Variants in ELAC2 observed in about 807,000 individuals in gnomAD.
ELAC2 encodes elaC ribonuclease Z 2.
ELAC2 carries 92 observed loss-of-function variants against 105.2 expected under a neutral mutation model. The observed-to-expected ratio is 0.87, with a 90% CI of 0.74 to 1.04. ELAC2 has a LOEUF of 1.04. Among genes scored for constraint, ELAC2 ranks in the 50% least tolerant of loss-of-function variants. The pLI, the probability that ELAC2 is intolerant of heterozygous loss-of-function variation, is 0.00. For missense variants in ELAC2, 1,099 were observed against 1,071.7 expected, an observed-to-expected ratio of 1.03 and a Z score of -0.36; for synonymous variants, 468 against 409.1, an observed-to-expected ratio of 1.14 and a Z score of -1.74.
chr17:12,998,634 TC>T, intron 15 of ELAC2, 126 bp from the exon 16 acceptor site: 1 of 922,332 alleles, frequency 1.1e-6, no homozygotes, highest in Non-Finnish European at 1.7e-6. Flanking sequence ...GGAAACGTGC[TC>T]CCTAGTATGG....
intron 21 of ELAC2, 70 bp downstream of exon 21, chr17:12,994,694 A>T: frequency 6.2e-7 from 1 of 1,611,952 alleles, no homozygotes. Context: ...CTGCAAGCCC[A>T]CCTGCATTCA....
intron 8 of ELAC2, 175 bp from the exon 9 acceptor site, chr17:13,006,154 T>G (rs1442162202): frequency 1.5e-6 from 1 of 679,484 alleles, no homozygotes. Flanking sequence ...GCAGATCACC[T>G]GAGGTCAGGA....
At chr17:12,999,752 G>T (rs113796212) in intron 15 of ELAC2, among the ~76,000 whole-genome samples, 15 of 151,868 alleles carry the variant, frequency 9.9e-5, no homozygotes, top group African/African-American at 3.6e-4. Context: ...TCCGCCTCCC[G>T]GGTTCTCGCC....
At chr17:13,003,396 T>C (rs2040929561) in intron 12 of ELAC2, 83 bp downstream of exon 12, 2 of 1,309,664 alleles carry the variant, frequency 1.5e-6, no homozygotes, top group African/African-American at 2.9e-5. Flanking sequence ...TAGGTAGCGC[T>C]GGAAAGAGCA....
intron 15 of ELAC2, among the ~76,000 whole-genome samples, chr17:12,999,104 C>T (rs536625448): frequency 2.6e-5 from 4 of 152,324 alleles, no homozygotes; most frequent in South Asian, 2.1e-4. Flanking sequence ...CAAAGGACTT[C>T]GCACCAGTGT....
chr17:13,006,013 G>T (rs773329595), intron 8 of ELAC2, 34 bp from the exon 9 acceptor site: 1 of 1,596,268 alleles, frequency 6.3e-7, no homozygotes, highest in Non-Finnish European at 8.6e-7. Flanking sequence ...TGATCTTAGG[G>T]GCTAATGAAG....
At chr17:13,001,643 C>T (rs1490729927) in intron 14 of ELAC2, among the ~76,000 whole-genome samples, 1 of 152,148 alleles carries the variant, frequency 6.6e-6, no homozygotes, top group African/African-American at 2.4e-5. Context: ...ACAAGTCTCA[C>T]ACTCTGGGCC....
intron 14 of ELAC2, among the ~76,000 whole-genome samples, chr17:13,001,526 T>TA (rs1567753386): frequency 6.6e-6 from 1 of 151,384 alleles, no homozygotes; most frequent in African/African-American, 2.4e-5. Flanking sequence ...ATAAATAAAT[T>TA]AATTAATTAA....
At chr17:13,016,036 GGCTGA>G (rs2041702716) in intron 3 of ELAC2, among the ~76,000 whole-genome samples, 15 of 152,220 alleles carry the variant, frequency 9.9e-5, no homozygotes, top group Admixed American at 9.2e-4. Context: ...CTCTAGAATG[GGCTGA>G]GCTGTCACTA....
rs2040268124 is a variant in ELAC2, at chr17:12,993,040, G to A, written c.2259C>T (p.Cys753=). 6.2e-7 allele frequency: 1 copy of A among 1,603,526 alleles called. No individual in the cohort carries two copies. The highest frequency in any genetic ancestry group is 2.2e-5 in the East Asian group (1 of 44,888). Residue 753 remains cysteine (C), a synonymous_variant, in exon 24 of 24, where the codon TGC becomes TGT. Transcript: ENST00000338034. ...TGGGCATTGTTGGAAAGTCTCCAAA[G>A]CAGACCTAGAAGACACAATAGAAGA... ...VGVAFDHMKV[C]FGDFPTMPKL...
At chr17:12,994,923 C>T in intron 20 of ELAC2, 39 bp from the exon 21 acceptor site, 1 of 1,614,098 alleles carries the variant, frequency 6.2e-7, no homozygotes, top group Non-Finnish European at 8.5e-7. Flanking sequence ...AGCTCTGCTC[C>T]CCACCTCGCC....
chr17:13,008,882 G>C (rs2041253498), intron 8 of ELAC2, among the ~76,000 whole-genome samples: 1 of 152,140 alleles, frequency 6.6e-6, no homozygotes, highest in African/African-American at 2.4e-5. Flanking sequence ...GAAGGAGATG[G>C]AAAAGCCAGG....
chr17:12,998,590 TTGAG>T, intron 15 of ELAC2, 82 bp from the exon 16 acceptor site: 1 of 1,281,004 alleles, frequency 7.8e-7, no homozygotes, highest in Non-Finnish European at 1.1e-6. Flanking sequence ...GTGCAATGGT[TTGAG>T]TGTCATTGGT....
chr17:12,992,989 CAG>C lies in ELAC2; in HGVS notation c.2308_2309del (p.Leu770ValfsTer98), dbSNP rs753154933. On this transcript the variant is annotated frameshift_variant, in exon 24 of 24. Coordinates refer to ENST00000338034, the MANE Select transcript of ELAC2 (RefSeq NM_018127.7). LOFTEE classifies it low-confidence loss of function (END_TRUNC). ...CCATCTCCTCGATGTCGCCAGCAAA[CAG>C]GGCTTTCAGTGGGGGAATCAGCTTG... ...MPKLIPPLKA[L>X]FAGDIEEMEE... 3.7e-6 allele frequency: 6 copies of C among 1,609,780 alleles called. No individual in the cohort carries two copies. Among genetic ancestry groups the C allele is most frequent in the Non-Finnish European group, 5.1e-6 (6 of 1,180,020 alleles).
intron 21 of ELAC2, 67 bp from the exon 22 acceptor site, chr17:12,994,570 T>G: frequency 6.2e-7 from 1 of 1,603,394 alleles, no homozygotes; most frequent in Non-Finnish European, 8.5e-7. Flanking sequence ...CTCAGTCACG[T>G]GCTGTTTCCT....
chr17:13,001,551 G>A (rs2040813651), intron 14 of ELAC2, among the ~76,000 whole-genome samples: 1 of 151,938 alleles, frequency 6.6e-6, no homozygotes, highest in Admixed American at 6.6e-5. Context: ...AAGATGTGGG[G>A]CAGTAAGGCT....
intron 19 of ELAC2, 24 bp from the exon 20 acceptor site, chr17:12,995,086 A>T: frequency 6.2e-7 from 1 of 1,610,774 alleles, no homozygotes; most frequent in Non-Finnish European, 8.5e-7. Context: ...AAACATTTAA[A>T]ATGATAATAA....
At chr17:13,014,329 G>T in intron 5 of ELAC2, 110 bp downstream of exon 5, 1 of 784,742 alleles carries the variant, frequency 1.3e-6, no homozygotes, top group Non-Finnish European at 2.2e-6. Context: ...TGGTGATGAA[G>T]CATTTGATTT....
chr17:13,001,432 C>T (rs2040803767), intron 14 of ELAC2, among the ~76,000 whole-genome samples: 1 of 152,102 alleles, frequency 6.6e-6, no homozygotes, highest in African/African-American at 2.4e-5. Context: ...GCGGAGGTTG[C>T]AGTGAGCTGA....
Sources: gnomAD v4.1 joint callset for allele counts (sites outside exome capture counted in the v4.1 genomes callset) on GRCh38, gnomAD v4.1.1 for gene constraint, MANE v1.5 for transcripts, NCBI Gene and HGNC (gene_info 2026-07-23, HGNC 2026-07-21) for gene names.